Variants in MTF1 observed in about 807,000 individuals in gnomAD.
MTF1 encodes MRE-binding transcription factor.
In MTF1, 22 loss-of-function variants were observed where a neutral mutation model predicts 70.4. The ratio of observed to expected loss-of-function variants is 0.31; its 90% confidence interval spans 0.22 to 0.45. The LOEUF is 0.45. Ranked by LOEUF, MTF1 falls within the 20% of genes least tolerant of loss-of-function variation. The pLI, the probability that MTF1 is intolerant of heterozygous loss-of-function variation, is 1.00. For missense variants in MTF1, 649 were observed against 922.0 expected, an observed-to-expected ratio of 0.70 and a Z score of 3.83; for synonymous variants, 333 against 352.8, an observed-to-expected ratio of 0.94 and a Z score of 0.63.
intron 2 of MTF1, among the ~76,000 whole-genome samples, chr1:37,852,705 A>T (rs1007397758): frequency 7.3e-5 from 11 of 151,604 alleles, no homozygotes; most frequent in African/African-American, 2.7e-4. Context: ...ATCATGGCTC[A>T]CTGCACCCTC....
At chr1:37,854,518 C>T (rs1480537727) in intron 2 of MTF1, among the ~76,000 whole-genome samples, 1 of 152,190 alleles carries the variant, frequency 6.6e-6, no homozygotes, top group Non-Finnish European at 1.5e-5. Context: ...ATTCCAGTAT[C>T]GCCTCCACAG....
chr1:37,834,947 C>T, intron 6 of MTF1, 132 bp downstream of exon 6: 1 of 927,294 alleles, frequency 1.1e-6, no homozygotes, highest in Non-Finnish European at 1.7e-6. Flanking sequence ...AGTCAAGACA[C>T]TGATCTTGAC....
intron 1 of MTF1, 90 bp downstream of exon 1, chr1:37,859,441 T>C (rs1641567594): frequency 2.5e-6 from 1 of 398,242 alleles, no homozygotes; most frequent in Non-Finnish European, 4.4e-6. Context: ...CAAACTGAGG[T>C]CTCTATTGGG....
chr1:37,828,785 C>T (rs1271476857), intron 7 of MTF1, among the ~76,000 whole-genome samples: 1 of 152,112 alleles, frequency 6.6e-6, no homozygotes, highest in Non-Finnish European at 1.5e-5. Flanking sequence ...AGGGCAAAAA[C>T]GCTGGGAGCA....
intron 4 of MTF1, among the ~76,000 whole-genome samples, chr1:37,836,388 G>C (rs562038102): frequency 1.3e-5 from 2 of 152,246 alleles, no homozygotes; most frequent in East Asian, 1.9e-4. Context: ...GGAATATCAA[G>C]AGTAAGCAAA....
intron 3 of MTF1, among the ~76,000 whole-genome samples, chr1:37,838,992 CG>C (rs1413472441): frequency 2.0e-5 from 3 of 151,316 alleles, no homozygotes; most frequent in Non-Finnish European, 2.9e-5. Flanking sequence ...TTTAGTACAA[CG>C]GGGTTTCACC....
chr1:37,816,631 C>G (rs1235456079), intron 10 of MTF1, among the ~76,000 whole-genome samples: 1 of 148,090 alleles, frequency 6.8e-6, no homozygotes, highest in African/African-American at 2.5e-5. Flanking sequence ...GCCGGGATTG[C>G]GCCACTGCAG....
chr1:37,843,082 T>TCA (rs1441755874), intron 2 of MTF1, among the ~76,000 whole-genome samples: 2 of 152,202 alleles, frequency 1.3e-5, no homozygotes, highest in Non-Finnish European at 2.9e-5. Flanking sequence ...AGTGGTGTAT[T>TCA]CACAGCTCAC....
intron 9 of MTF1, among the ~76,000 whole-genome samples, chr1:37,818,143 C>T (rs1640847642): frequency 6.6e-6 from 1 of 152,160 alleles, no homozygotes; most frequent in Non-Finnish European, 1.5e-5. Context: ...AGTATCTGTC[C>T]CCTCCAAAAC....
At chr1:37,835,276 C>A in intron 5 of MTF1, 61 bp from the exon 6 acceptor site, 2 of 1,421,216 alleles carry the variant, frequency 1.4e-6, no homozygotes, top group South Asian at 1.2e-5. Flanking sequence ...ATTAAGAAAT[C>A]TACCTTTCCC....
chr1:37,855,577 T>C (rs1641479062), intron 2 of MTF1, among the ~76,000 whole-genome samples: 1 of 152,220 alleles, frequency 6.6e-6, no homozygotes, highest in Non-Finnish European at 1.5e-5. Flanking sequence ...CCTTGCTAAA[T>C]CATTCACCCT....
Position 37,811,661 on chromosome 1 carries a change from C to T in MTF1, c.*3475G>A, listed in dbSNP as rs1640738485. ...AAAGTCTCTCAGGAAAACCCACCCACCCTCCAATATCCCCATCAGTCCACA... is the reference window on the plus strand; with the variant it reads ...AAAGTCTCTCAGGAAAACCCACCCATCCTCCAATATCCCCATCAGTCCACA... On this transcript the variant is annotated 3_prime_UTR_variant, in exon 11 of 11. Transcript: ENST00000373036. 1 of 152,148 alleles carries T rather than the reference C, an allele frequency of 6.6e-6. No individual in the cohort carries two copies. Among genetic ancestry groups the T allele is most frequent in the Non-Finnish European group, 1.5e-5 (1 of 68,028 alleles). 9.4% of individuals were successfully genotyped at this position (152,148 alleles called of 1,614,324 possible). A position where few individuals can be genotyped will look rare whatever the true frequency, so the allele number is the denominator to read the frequency against.
intron 8 of MTF1, 71 bp from the exon 9 acceptor site, chr1:37,822,787 A>G (rs1324428436): frequency 2.7e-6 from 3 of 1,102,850 alleles, no homozygotes; most frequent in Non-Finnish European, 3.9e-6. Flanking sequence ...AACAGTCATT[A>G]TGGGCTAAAC....
intron 2 of MTF1, among the ~76,000 whole-genome samples, chr1:37,844,908 C>A (rs1319817534): frequency 6.6e-6 from 1 of 152,140 alleles, no homozygotes; most frequent in African/African-American, 2.4e-5. Flanking sequence ...TCCTGTAAAG[C>A]ACATGATAAA....
chr1:37,853,223 C>T (rs1055463467), intron 2 of MTF1, among the ~76,000 whole-genome samples: 9 of 152,202 alleles, frequency 5.9e-5, no homozygotes, highest in Non-Finnish European at 1.2e-4. Context: ...TTGGCTTAGA[C>T]ACCTCCAATG....
intron 9 of MTF1, among the ~76,000 whole-genome samples, chr1:37,818,954 C>T (rs1282871785): frequency 6.6e-6 from 1 of 151,722 alleles, no homozygotes; most frequent in Non-Finnish European, 1.5e-5. Context: ...GATCGCACCA[C>T]TGCACTCCAG....
intron 2 of MTF1, among the ~76,000 whole-genome samples, chr1:37,848,806 C>T (rs1043194850): frequency 1.3e-5 from 2 of 152,158 alleles, no homozygotes; most frequent in African/African-American, 4.8e-5. Flanking sequence ...CATCAGAGTT[C>T]AGAAGGGAAC....
At chr1:37,844,143 C>G (rs1384656890) in intron 2 of MTF1, among the ~76,000 whole-genome samples, 3 of 152,178 alleles carry the variant, frequency 2.0e-5, no homozygotes, top group African/African-American at 7.2e-5. Flanking sequence ...AATTCCTTAG[C>G]CTAACATTCA....
intron 6 of MTF1, among the ~76,000 whole-genome samples, chr1:37,833,824 G>C (rs1298112895): frequency 1.3e-5 from 2 of 152,030 alleles, no homozygotes; most frequent in East Asian, 3.9e-4. Context: ...CACATATCTA[G>C]AGAAGATGTT....
Sources: allele counts gnomAD v4.1 joint callset (sites outside exome capture counted in the v4.1 genomes callset), GRCh38; gene constraint gnomAD v4.1.1; transcripts MANE v1.5; gene names NCBI Gene and HGNC (gene_info 2026-07-23, HGNC 2026-07-21).